ATP8A2: variants seen among roughly 807,000 people sequenced by gnomAD.
The protein encoded by ATP8A2 is ATPase phospholipid transporting 8A2, also known as phospholipid-transporting ATPase IB.
A neutral mutation model predicts 165.6 loss-of-function variants in ATP8A2; 100 were observed. That is an observed-to-expected ratio of 0.60 (90% CI 0.51 to 0.71). ATP8A2 has a LOEUF of 0.71. Among genes scored for constraint, ATP8A2 ranks in the 30% least tolerant of loss-of-function variants. The probability of loss-of-function intolerance (pLI) is 0.00; values close to 1 mark genes in which losing one functional copy is unlikely to be tolerated. For missense variants in ATP8A2, 1,227 were observed against 1,479.5 expected (o/e 0.83, Z 2.80); for synonymous variants, 543 against 548.8 (o/e 0.99, Z 0.15).
chr13:25,619,695 T>C (rs1313567960), intron 24 of ATP8A2, among the ~76,000 whole-genome samples: 3 of 152,208 alleles, frequency 2.0e-5, no homozygotes, highest in African/African-American at 7.2e-5. Context: ...GTTAATACTC[T>C]AAGAAGAATT....
At chr13:25,410,273 T>A (rs188368968) in intron 1 of ATP8A2, among the ~76,000 whole-genome samples, 4 of 152,278 alleles carry the variant, frequency 2.6e-5, no homozygotes, top group African/African-American at 9.6e-5. Context: ...TTCATGTTTG[T>A]CTTCAAGACC....
intron 28 of ATP8A2, among the ~76,000 whole-genome samples, chr13:25,831,166 A>T (rs1230912133): frequency 6.7e-6 from 1 of 149,956 alleles, no homozygotes; most frequent in Non-Finnish European, 1.5e-5. Flanking sequence ...TCTTTGTTTG[A>T]TTCCGCAAGT....
intron 25 of ATP8A2, among the ~76,000 whole-genome samples, chr13:25,736,266 G>A (rs1057015023): frequency 7.2e-5 from 11 of 152,150 alleles, no homozygotes; most frequent in Admixed American, 2.6e-4. Flanking sequence ...AAAGATGGCC[G>A]CTCAAGAAAA....
intron 33 of ATP8A2, among the ~76,000 whole-genome samples, chr13:25,888,018 TGGCACTGCCCATGGAGAGTA>T (rs1464428886): frequency 6.6e-6 from 1 of 150,856 alleles, no homozygotes; most frequent in Admixed American, 6.6e-5. Flanking sequence ...TGGAAGTTGA[TGGCACTGCCCATGGAGAGTA>T]GGCAAGGAGG....
intron 26 of ATP8A2, among the ~76,000 whole-genome samples, chr13:25,772,499 T>C (rs762060108): frequency 5.3e-5 from 8 of 152,066 alleles, no homozygotes; most frequent in South Asian, 2.1e-4. Context: ...TTTTTCCATG[T>C]GCACCTACTT....
At chr13:25,784,905 A>T (rs113659161) in intron 27 of ATP8A2, among the ~76,000 whole-genome samples, 28 of 151,874 alleles carry the variant, frequency 1.8e-4, no homozygotes, top group African/African-American at 5.1e-4. Context: ...GGCTGGGATT[A>T]CAGGTGCATG....
At chr13:25,555,858 G>A (rs1170680545) in intron 13 of ATP8A2, among the ~76,000 whole-genome samples, 1 of 152,126 alleles carries the variant, frequency 6.6e-6, no homozygotes, top group Non-Finnish European at 1.5e-5. Context: ...CACTTAATAA[G>A]TGAGAATATG....
chr13:25,829,895 A>G (rs12871807), intron 28 of ATP8A2, among the ~76,000 whole-genome samples: 26,485 of 150,924 alleles, frequency 0.18, 2,487 homozygotes, highest in Middle Eastern at 0.22. Flanking sequence ...GTTGGTCAAA[A>G]TAAGGCCCAC....
chr13:25,666,520 G>T (rs1012000740), intron 24 of ATP8A2, among the ~76,000 whole-genome samples: 1 of 152,188 alleles, frequency 6.6e-6, no homozygotes, highest in South Asian at 2.1e-4. Flanking sequence ...GATAACAGGC[G>T]TGAGTCACCA....
chr13:25,515,175 CAA>C (rs1431239450), intron 2 of ATP8A2, among the ~76,000 whole-genome samples: 1 of 152,224 alleles, frequency 6.6e-6, no homozygotes, highest in Non-Finnish European at 1.5e-5. Context: ...GCTACTGAAA[CAA>C]TGGTTATTCC....
At chr13:25,875,055 T>G (rs116276964) in intron 33 of ATP8A2, among the ~76,000 whole-genome samples, 2,015 of 151,916 alleles carry the variant, frequency 0.013, 41 homozygotes, top group African/African-American at 0.046. Context: ...TAGTGAGTAC[T>G]CGTAGAGACA....
At chr13:25,880,543 C>A (rs1259386023) in intron 33 of ATP8A2, among the ~76,000 whole-genome samples, 1 of 152,144 alleles carries the variant, frequency 6.6e-6, no homozygotes, top group African/African-American at 2.4e-5. Flanking sequence ...TGAAAGGTTC[C>A]AGATGACTTT....
chr13:25,512,917 C>A (rs1468515749), intron 2 of ATP8A2, among the ~76,000 whole-genome samples: 1 of 143,152 alleles, frequency 7.0e-6, no homozygotes, highest in Non-Finnish European at 1.5e-5. Flanking sequence ...GGGGCTGACC[C>A]CCCCACCTCC....
rs189751341 is a variant in ATP8A2 at position 25,504,921 on chromosome 13, A to G, written c.222-25078A>G. On this transcript the variant is annotated intron_variant, in intron 2 of 36. Transcript: ENST00000381655. ...TGCTTGGGTCAGTGGGCTTGAGGCC[A>G]TCGGACGCTATTAACTTCGGTTTGT... 7.6e-4 allele frequency among the ~76,000 whole-genome samples: 115 copies of G among 152,216 alleles called. 1 individual carries two copies. In the Middle Eastern group the frequency reaches 0.014, roughly 18 times the overall value.
At chr13:25,533,706 A>G (rs1213124804) in intron 6 of ATP8A2, among the ~76,000 whole-genome samples, 1 of 152,194 alleles carries the variant, frequency 6.6e-6, no homozygotes, top group Non-Finnish European at 1.5e-5. Context: ...AAAGGGGGCA[A>G]GAAACCACCC....
intron 25 of ATP8A2, among the ~76,000 whole-genome samples, chr13:25,708,611 C>T (rs989755357): frequency 6.6e-6 from 1 of 152,062 alleles, no homozygotes; most frequent in Non-Finnish European, 1.5e-5. Context: ...AAAAAAAACT[C>T]CATCCTGGGA....
At chr13:25,989,607 C>G (rs547614128) in intron 35 of ATP8A2, among the ~76,000 whole-genome samples, 1 of 152,334 alleles carries the variant, frequency 6.6e-6, no homozygotes, top group Admixed American at 6.5e-5. Flanking sequence ...GCTTCAGAAA[C>G]TCTCCTTAAT....
rs9319226 is a variant in ATP8A2, at chr13:25,446,618, T to G, written c.77-22359T>G. ...TTGCCAACCCCAGATCTTCTTCTAA[T>G]GAGACTGCGGTACTGAATCATTTGG... is the stretch of plus-strand genomic sequence containing the variant. On this transcript the variant is annotated intron_variant, in intron 1 of 36. Coordinates refer to ENST00000381655, the MANE Select transcript of ATP8A2 (RefSeq NM_016529.6). Among the ~76,000 whole-genome samples, 674 of 152,310 alleles carry G rather than the reference T, an allele frequency of 4.4e-3. 6 individuals are homozygous for G. Among genetic ancestry groups the G allele is most frequent in the African/African-American group, 0.014 (582 of 41,564 alleles).
Position 26,024,373 on chromosome 13 carries a change from C to A in ATP8A2, c.*4388C>A, listed in dbSNP as rs1353448838. The A allele has an allele frequency of 6.6e-6, 1 of 152,162 alleles. No individual in the cohort carries two copies. The highest frequency in any genetic ancestry group is 1.5e-5 in the Non-Finnish European group (1 of 68,046). 9.4% of individuals were successfully genotyped at this position (152,162 alleles called of 1,614,324 possible). On this transcript the variant is annotated 3_prime_UTR_variant, in exon 37 of 37. Coordinates refer to ENST00000381655, the MANE Select transcript of ATP8A2 (RefSeq NM_016529.6). ...CATCAGTACATTCCCCTTCACCTTA[C>A]CTGATCTTCATTTAATGCCCAGTCT...
Sources: gnomAD v4.1 joint callset for allele counts (sites outside exome capture counted in the v4.1 genomes callset) on GRCh38, gnomAD v4.1.1 for gene constraint, MANE v1.5 for transcripts, NCBI Gene and HGNC (gene_info 2026-07-23, HGNC 2026-07-21) for gene names.